The following MYH14 variants were observed in gnomAD, a reference collection of about 807,000 sequenced individuals.
MYH14 encodes the protein myosin heavy chain 14, also known as myosin-14.
MYH14 carries 123 observed loss-of-function variants against 255.5 expected under a neutral mutation model. The ratio of observed to expected loss-of-function variants is 0.48; its 90% confidence interval spans 0.42 to 0.56. MYH14 has a LOEUF of 0.56. Among genes scored for constraint, MYH14 ranks in the 20% least tolerant of loss-of-function variants. MYH14 has a pLI of 0.00. For synonymous variants in MYH14, 1,095 were observed against 1,161.2 expected (o/e 0.94, Z 1.16); for missense variants, 2,423 against 2,802.3 (o/e 0.86, Z 3.06).
chr19:50,260,431 C>G (rs1029679151), intron 19 of MYH14, among the ~76,000 whole-genome samples: 1 of 152,100 alleles, frequency 6.6e-6, no homozygotes, highest in Non-Finnish European at 1.5e-5. Context: ...TCTCAAAAAA[C>G]AAACAAAACA....
intron 16 of MYH14, 55 bp from the exon 17 acceptor site, chr19:50,255,165 C>A (rs1283687612): frequency 8.7e-7 from 1 of 1,153,862 alleles, no homozygotes; most frequent in Non-Finnish European, 1.3e-6. Context: ...TCTCTCTCCG[C>A]CATCTCTCTG....
intron 23 of MYH14, among the ~76,000 whole-genome samples, chr19:50,267,623 A>T (rs200647001): frequency 1.3e-5 from 2 of 149,146 alleles, no homozygotes; most frequent in Admixed American, 6.7e-5. Flanking sequence ...TCTGTCTCAA[A>T]AATAATAATA....
intron 1 of MYH14, 26 bp from the exon 2 acceptor site, chr19:50,210,337 C>G (rs752832639): frequency 1.3e-6 from 2 of 1,564,750 alleles, no homozygotes; most frequent in South Asian, 1.2e-5. Context: ...CCATCTGACC[C>G]CCACCCTCTT....
At chr19:50,297,871 T>TA (rs993964560) in intron 39 of MYH14, among the ~76,000 whole-genome samples, 4 of 152,112 alleles carry the variant, frequency 2.6e-5, no homozygotes, top group African/African-American at 9.7e-5. Context: ...GACCTCGCGT[T>TA]AATCAATTAC....
Position 50,232,002 on chromosome 19 carries a change from A to G in MYH14, c.1046A>G (p.Glu349Gly). The change falls in exon 10 of 43, where the codon GAG (glutamate) becomes GGG (glycine). Residue 349 changes from glutamate to glycine, a missense_variant. Coordinates refer to ENST00000642316, the MANE Select transcript of MYH14 (RefSeq NM_001145809.2). ...GGGCCGTCATCCTCTCCCGGCCAGGAGCGGGAACTCTTCCAGGAGACGCTG... is the reference window on the plus strand; with the variant it reads ...GGGCCGTCATCCTCTCCCGGCCAGGGGCGGGAACTCTTCCAGGAGACGCTG... Reference protein sequence around the residue: ...TNGPSSSPGQERELFQETLES... With the variant: ...TNGPSSSPGQGRELFQETLES... The G allele has an allele frequency of 6.2e-7, 1 of 1,613,844 alleles. No individual in the cohort carries two copies. Among genetic ancestry groups the G allele is most frequent in the Non-Finnish European group, 8.5e-7 (1 of 1,179,904 alleles).
At chr19:50,265,947 G>T (rs1382365232) in intron 22 of MYH14, among the ~76,000 whole-genome samples, 1 of 152,172 alleles carries the variant, frequency 6.6e-6, no homozygotes. Flanking sequence ...GGTGTTGGGG[G>T]TTGGGGTCAA....
At chr19:50,223,554 C>T (rs1259379906) in intron 5 of MYH14, among the ~76,000 whole-genome samples, 2 of 152,246 alleles carry the variant, frequency 1.3e-5, no homozygotes, top group African/African-American at 2.4e-5. Context: ...CTTGGTCTCA[C>T]TGGCTCTCGG....
intron 8 of MYH14, among the ~76,000 whole-genome samples, chr19:50,229,716 C>T (rs1568478848): frequency 1.3e-5 from 2 of 152,134 alleles, no homozygotes; most frequent in Admixed American, 1.3e-4. Flanking sequence ...ACGTGACTTT[C>T]TTGGGAGGGA....
In MYH14 at chr19:50,221,301, C is replaced by T. The variant is rs138120076; in HGVS notation, c.563-1782C>T. 9.6e-3 allele frequency among the ~76,000 whole-genome samples: 1,466 copies of T among 152,184 alleles called. 17 individuals carry two copies. Among genetic ancestry groups the T allele is most frequent in the Non-Finnish European group, 0.016 (1,105 of 68,010 alleles). On this transcript the variant is annotated intron_variant, in intron 3 of 42. Coordinates refer to ENST00000642316, the MANE Select transcript of MYH14 (RefSeq NM_001145809.2). This position sits in a 1 kb window ranked among gnomAD's most constrained non-coding sequence, Gnocchi z 5.3. ...CAACTCAGAGACTGGCCCAAGGTCA[C>T]GCAGCAAGTCAGAGAGGCAGCCGGG...
Position 50,301,484 on chromosome 19 carries a change from C to T in MYH14, c.5470-177C>T, listed in dbSNP as rs572728623. Among the ~76,000 whole-genome samples the T allele has an allele frequency of 4.5e-3, 689 of 152,228 alleles. 4 individuals carry two copies. Among genetic ancestry groups the T allele is most frequent in the Non-Finnish European group, 7.9e-3 (535 of 68,024 alleles). ...GCTGGCAGTGCTGTGGGTGACAAGT[C>T]AATAAACTATTAATAAAAATACAAG... is the stretch of plus-strand genomic sequence containing the variant. On this transcript the variant is annotated intron_variant, in intron 39 of 42. Coordinates refer to ENST00000642316, the MANE Select transcript of MYH14 (RefSeq NM_001145809.2).
In MYH14 at chr19:50,230,656, G is replaced by C. The variant is rs376448746; in HGVS notation, c.973+33G>C. ...CCGCCCCGTCCTACCCTGCTCACCC[G>C]GGAGAGGGTGGGCACCATGTCTCTC... On this transcript the variant is annotated intron_variant, in intron 9 of 42. Transcript: ENST00000642316. This position sits in a 1 kb window ranked among gnomAD's most constrained non-coding sequence, Gnocchi z 4.7. 6.5e-7 allele frequency: 1 copy of C among 1,527,410 alleles called. No individual in the cohort carries two copies. The highest frequency in any genetic ancestry group is 8.9e-7 in the Non-Finnish European group (1 of 1,126,234). The allele number at this position is 1,527,410 out of a possible 1,614,324, so 94.6% of individuals were successfully genotyped here.
rs556063581 is a variant in MYH14, at chr19:50,309,928, C to G, written c.*138C>G. 2 of 891,680 alleles carry G rather than the reference C, an allele frequency of 2.2e-6. No homozygotes were observed. The highest frequency in any genetic ancestry group is 1.5e-5 in the South Asian group (1 of 68,676). 55.2% of individuals were successfully genotyped at this position (891,680 alleles called of 1,614,324 possible). ...TGGTGCAGCACTCTGGCATTTATCACCCCCACCTGGGTCCCCTGCAACCTC... is the reference window on the plus strand; with the variant it reads ...TGGTGCAGCACTCTGGCATTTATCAGCCCCACCTGGGTCCCCTGCAACCTC... On this transcript the variant is annotated 3_prime_UTR_variant, in exon 43 of 43. Coordinates refer to ENST00000642316, the MANE Select transcript of MYH14 (RefSeq NM_001145809.2).
intron 40 of MYH14, among the ~76,000 whole-genome samples, chr19:50,302,888 T>G (rs562119107): frequency 6.7e-6 from 1 of 149,794 alleles, no homozygotes; most frequent in East Asian, 2.0e-4. Context: ...GCAACAAGAG[T>G]GAAACTCCGC....
At chr19:50,214,238 G>A (rs1167352911) in intron 2 of MYH14, among the ~76,000 whole-genome samples, 1 of 152,212 alleles carries the variant, frequency 6.6e-6, no homozygotes, top group Non-Finnish European at 1.5e-5. Flanking sequence ...CTGAGACCCT[G>A]AAAGGTTGCT....
chr19:50,270,622 G>A (rs2035262288), intron 24 of MYH14, among the ~76,000 whole-genome samples: 1 of 151,342 alleles, frequency 6.6e-6, no homozygotes, highest in Non-Finnish European at 1.5e-5. Flanking sequence ...CCCAATGACT[G>A]TCATGTTGGC....
chr19:50,310,190 TCTCC>T lies in MYH14; in HGVS notation c.*408_*411del. The T allele has an allele frequency of 1.1e-5, 3 of 267,756 alleles. No individual in the cohort carries two copies. Among genetic ancestry groups the T allele is most frequent in the Middle Eastern group, 1.2e-3 (1 of 830 alleles). The allele number at this position is 267,756 out of a possible 1,614,324, so 16.6% of individuals were successfully genotyped here. A position where few individuals can be genotyped will look rare whatever the true frequency, so the allele number is the denominator to read the frequency against. On this transcript the variant is annotated 3_prime_UTR_variant, in exon 43 of 43. Transcript: ENST00000642316. ...CTCTGCTTCTCTCTCTCTCTCTCTCTCTCCCTCCCTCTCCTTCCCTACCCTCTCA... is the reference window on the plus strand; with the variant it reads ...CTCTGCTTCTCTCTCTCTCTCTCTCTCTCCCTCTCCTTCCCTACCCTCTCA...
In MYH14 at chr19:50,252,559, G is replaced by A. The variant is rs1278824870; in HGVS notation, c.1831-80G>A. ...GAGCTCCAGACCTGGGAGTCTCAGA[G>A]CTTCTGGAAGGCTCCTTAGGAAATC... On this transcript the variant is annotated intron_variant, in intron 15 of 42. Transcript: ENST00000642316. The surrounding 1 kb of genome is among the most constrained non-coding windows in gnomAD (Gnocchi z 4.2). 6.1e-6 allele frequency: 6 copies of A among 981,426 alleles called. No homozygotes were observed. The African/African-American group carries it at 8.0e-5, about 13-fold the overall frequency. The allele number at this position is 981,426 out of a possible 1,614,324, so 60.8% of individuals were successfully genotyped here.
At position 50,271,072 on chromosome 19, in the gene MYH14, C is replaced by CT. The variant is rs546770468; in HGVS notation, c.3034-327dup. ...GTGATTTCCACAAGGATAGGTGTTCCTTTTTTTTTTCAGAGGCAAGATCTC... is the reference window on the plus strand; with the variant it reads ...GTGATTTCCACAAGGATAGGTGTTCCTTTTTTTTTTTCAGAGGCAAGATCTC... On this transcript the variant is annotated intron_variant, in intron 24 of 42. Coordinates refer to ENST00000642316, the MANE Select transcript of MYH14 (RefSeq NM_001145809.2). 1.7e-3 allele frequency among the ~76,000 whole-genome samples: 253 copies of CT among 148,462 alleles called. 1 individual carries two copies. The highest frequency in any genetic ancestry group is 0.015 in the South Asian group (70 of 4,670).
chr19:50,288,533 A>G (rs1374795336), intron 34 of MYH14, among the ~76,000 whole-genome samples: 2 of 152,246 alleles, frequency 1.3e-5, no homozygotes, highest in African/African-American at 2.4e-5. Context: ...GATCCCTTCA[A>G]GTAAACAAAA....
Sources: gnomAD v4.1 joint callset for allele counts (sites outside exome capture counted in the v4.1 genomes callset) on GRCh38, gnomAD v4.1.1 for gene constraint, Gnocchi (gnomAD v3.1) non-coding constraint, MANE v1.5 for transcripts, NCBI Gene and HGNC (gene_info 2026-07-23, HGNC 2026-07-21) for gene names.